Variants in SLC28A1 observed in about 807,000 individuals in gnomAD.
SLC28A1 encodes sodium/nucleoside cotransporter 1.
Under a neutral mutation model 74.8 loss-of-function variants are expected in SLC28A1, and 64 were observed. The observed-to-expected ratio is 0.86, with a 90% confidence interval of 0.70 to 1.05. The LOEUF is 1.05. Ranked by LOEUF, SLC28A1 falls within the 50% of genes least tolerant of loss-of-function variation. The pLI, the probability that SLC28A1 is intolerant of heterozygous loss-of-function variation, is 0.00. For synonymous variants in SLC28A1, 359 were observed against 335.0 expected (o/e 1.07, Z -0.78); for missense variants, 828 against 822.8 (o/e 1.01, Z -0.08).
At chr15:84,911,344 G>A (rs763199516) in intron 9 of SLC28A1, among the ~76,000 whole-genome samples, 8 of 152,174 alleles carry the variant, frequency 5.3e-5, no homozygotes, top group East Asian at 1.9e-4. Context: ...GTGGTGTTGC[G>A]GCCTCCCTTT....
chr15:84,895,625 A>T, intron 6 of SLC28A1: 1 of 1,471,794 alleles, frequency 6.8e-7, no homozygotes, highest in South Asian at 1.4e-5. Flanking sequence ...AATCTCAGCG[A>T]TGTCACAGGG....
intron 12 of SLC28A1, among the ~76,000 whole-genome samples, chr15:84,926,105 AT>A (rs1364022835): frequency 3.4e-5 from 5 of 147,498 alleles, no homozygotes; most frequent in African/African-American, 7.4e-5. Context: ...ATCACTTTTA[AT>A]TTTTTTATTT....
At chr15:84,910,465 A>G (rs939705337) in intron 9 of SLC28A1, among the ~76,000 whole-genome samples, 8 of 152,186 alleles carry the variant, frequency 5.3e-5, no homozygotes, top group African/African-American at 9.7e-5. Context: ...GCGGTGGCTC[A>G]TGCCTGTAAT....
chr15:84,935,371 G>A lies in SLC28A1; in HGVS notation c.1434G>A (p.Ala478=), dbSNP rs370352848. 4.0e-5 allele frequency: 65 copies of A among 1,614,118 alleles called. No individual in the cohort carries two copies. Among genetic ancestry groups the A allele is most frequent in the African/African-American group, 3.1e-4 (23 of 74,936 alleles). The part of the protein sequence containing the change: ...LRPVAFLMGV[A]WEDCPVVAEL... Reference sequence around the variant, plus strand: ...CTGTAGCCTTCTTGATGGGTGTGGCGTGGGAGGACTGCCCAGTGGTAGCTG... The same window carrying A: ...CTGTAGCCTTCTTGATGGGTGTGGCATGGGAGGACTGCCCAGTGGTAGCTG... Residue 478 remains alanine (A), a synonymous_variant, in exon 15 of 19, where the codon GCG becomes GCA. Coordinates refer to ENST00000394573, the MANE Select transcript of SLC28A1 (RefSeq NM_004213.5).
the SLC28A1 span, among the ~76,000 whole-genome samples, chr15:84,965,731 T>G: frequency 2.6e-5 from 4 of 152,162 alleles, no homozygotes; most frequent in Non-Finnish European, 1.5e-5. Flanking sequence ...TCCTGTATCC[T>G]AGGAAATCTC....
rs377236411 is a variant in SLC28A1 at position 84,905,591 on chromosome 15, T to C, written c.656T>C (p.Leu219Pro). The change falls in exon 8 of 19, where the codon CTC becomes CCC. Residue 219 changes from leucine to proline, a missense_variant. Around this residue, in one of 3 missense-constraint regions of SLC28A1, gnomAD observed 767 missense variants for 753.5 expected, o/e 1.02. Transcript: ENST00000394573. The stretch of plus-strand genomic sequence containing the variant: ...CTTGGACTGCAGTTTGTACTTGGAC[T>C]CCTCGTCATCAGAACAGAACCAGGA... The part of the protein sequence containing the change: ...WGLGLQFVLG[L>P]LVIRTEPGFI... The C allele has an allele frequency of 6.2e-6, 10 of 1,614,030 alleles. No homozygotes were observed. The highest frequency in any genetic ancestry group is 2.2e-5 in the East Asian group (1 of 44,886).
At chr15:84,947,342 C>T (rs2079266920), downstream of SLC28A1, among the ~76,000 whole-genome samples, 1 of 152,224 alleles carries the variant, frequency 6.6e-6, no homozygotes, top group South Asian at 2.1e-4. Flanking sequence ...TCCGCCCCTT[C>T]CCTGCCCATA....
the SLC28A1 span, among the ~76,000 whole-genome samples, chr15:84,970,557 G>A: frequency 6.6e-6 from 1 of 152,178 alleles, no homozygotes; most frequent in Non-Finnish European, 1.5e-5. Flanking sequence ...ATGGGGACCT[G>A]AGCTTGAGCG....
intron 16 of SLC28A1, 82 bp downstream of exon 16, chr15:84,943,608 C>G: frequency 9.1e-7 from 1 of 1,103,592 alleles, no homozygotes. Flanking sequence ...TCAGTTGTCT[C>G]ATTTGTCTAA....
Position 84,918,542 on chromosome 15 carries a change from T to G in SLC28A1, c.814T>G (p.Phe272Val). ...CCGGCAGGTTCTGCCCATCATTGTC[T>G]TTTTCAGCTGTGTCATATCCGTTCT... ...FAFQVLPIIVFFSCVISVLYH... is the reference protein window; with the variant it reads ...FAFQVLPIIVVFSCVISVLYH... The change falls in exon 10 of 19, where the codon TTT (phenylalanine) becomes GTT (valine). Residue 272 changes from phenylalanine to valine, a missense_variant. Coordinates refer to ENST00000394573, the MANE Select transcript of SLC28A1 (RefSeq NM_004213.5). 6.2e-7 allele frequency: 1 copy of G among 1,613,840 alleles called. No homozygotes were observed. The highest frequency in any genetic ancestry group is 1.3e-5 in the African/African-American group (1 of 75,040).
chr15:84,937,255 T>C (rs8029847), intron 15 of SLC28A1, among the ~76,000 whole-genome samples: 137,224 of 152,114 alleles, frequency 0.9, 62,126 homozygotes, highest in African/African-American at 0.97. Context: ...TTGATTTTTA[T>C]CCACATGTTG....
chr15:84,911,228 G>A (rs1312208942), intron 9 of SLC28A1, among the ~76,000 whole-genome samples: 3 of 152,178 alleles, frequency 2.0e-5, no homozygotes, highest in African/African-American at 7.2e-5. Context: ...CTCCCAGCCT[G>A]CCTCCCTCTC....
At chr15:84,912,847 C>CAAAA (rs60379618) in intron 9 of SLC28A1, among the ~76,000 whole-genome samples, 5 of 130,974 alleles carry the variant, frequency 3.8e-5, no homozygotes, top group Admixed American at 7.5e-5. Context: ...CACACACACA[C>CAAAA]AGATCAAATA....
At chr15:84,953,628 A>G in the SLC28A1 span, among the ~76,000 whole-genome samples, 7 of 152,192 alleles carry the variant, frequency 4.6e-5, no homozygotes, top group African/African-American at 7.2e-5. Context: ...AGTCTGAGAC[A>G]GGAGGATTGC....
chr15:84,904,407 A>T (rs1257513890), intron 7 of SLC28A1, among the ~76,000 whole-genome samples, 169 bp downstream of exon 7: 2 of 152,128 alleles, frequency 1.3e-5, no homozygotes, highest in African/African-American at 2.4e-5. Flanking sequence ...TGTGAAGAAG[A>T]AGTCTTCAAA....
At chr15:84,905,727 A>G (rs1366248709) in intron 8 of SLC28A1, 75 bp downstream of exon 8, 16 of 1,114,212 alleles carry the variant, frequency 1.4e-5, no homozygotes, top group Non-Finnish European at 2.2e-5. Flanking sequence ...TGGCAGGGGG[A>G]AAAGTGGGTG....
chr15:84,933,170 C>G lies in SLC28A1; in HGVS notation c.1109C>G (p.Ala370Gly). 6.2e-7 allele frequency: 1 copy of G among 1,613,760 alleles called. No homozygotes were observed. The highest frequency in any genetic ancestry group is 8.5e-7 in the Non-Finnish European group (1 of 1,179,816). The change falls in exon 13 of 19, where the codon GCC becomes GGC. Residue 370 changes from alanine (A) to glycine (G), a missense_variant. Ala to Gly is a moderately conservative substitution (Grantham distance 60, BLOSUM62 0). Coordinates refer to ENST00000394573, the MANE Select transcript of SLC28A1 (RefSeq NM_004213.5). ...FGIDATSLIA[A>G]SVMAAPCALA... ...ATCGATGCCACCTCGTTGATTGCAG[C>G]CTCTGTGATGGCTGCCCCTTGTGCC...
the SLC28A1 span, among the ~76,000 whole-genome samples, chr15:84,954,882 G>T: frequency 6.6e-6 from 1 of 152,136 alleles, no homozygotes; most frequent in Non-Finnish European, 1.5e-5. Context: ...ATCTGGGCAG[G>T]CTTGTGACTG....
At chr15:84,887,604 A>G (rs1964739734) in intron 2 of SLC28A1, 141 bp from the exon 3 acceptor site, 1 of 1,524,782 alleles carries the variant, frequency 6.6e-7, no homozygotes, top group South Asian at 1.2e-5. Flanking sequence ...CTGGGATGGC[A>G]TAGGTGGCCC....
Sources: gnomAD v4.1 joint callset for allele counts (sites outside exome capture counted in the v4.1 genomes callset) on GRCh38, gnomAD v4.1.1 for gene constraint, gnomAD v4.1.1 regional missense constraint, MANE v1.5 for transcripts, NCBI Gene and HGNC (gene_info 2026-07-23, HGNC 2026-07-21) for gene names.